The following FBXO21 variants were observed in gnomAD, a reference collection of about 807,000 sequenced individuals.
FBXO21 encodes the protein F-box only protein 21.
A neutral mutation model predicts 76.6 loss-of-function variants in FBXO21; 32 were observed. The ratio of observed to expected loss-of-function variants is 0.42; its 90% CI spans 0.32 to 0.56. The LOEUF (loss-of-function observed/expected upper bound fraction) is 0.56, where lower values mean the gene tolerates loss of function less well. Ranked by LOEUF, FBXO21 falls within the 20% of genes least tolerant of loss-of-function variation. The pLI, the probability that FBXO21 is intolerant of heterozygous loss-of-function variation, is 0.16. For missense variants in FBXO21, 586 were observed against 797.3 expected (o/e 0.73, Z 3.19); for synonymous variants, 328 against 311.5 (o/e 1.05, Z -0.56).
chr12:117,169,956 A>G lies in FBXO21; in HGVS notation c.1013+2515T>C, dbSNP rs1222972571. 3.9e-5 allele frequency among the ~76,000 whole-genome samples: 6 copies of G among 152,260 alleles called. No individual in the cohort carries two copies. The South Asian group carries it at 8.3e-4, about 21-fold the overall frequency. On this transcript the variant is annotated intron_variant, in intron 7 of 11. Transcript: ENST00000622495. ...TATATATAGTTACAAAAAAGAAGAA[A>G]CCAAATTGTCACTATTCACAGATAC...
chr12:117,188,414 G>A (rs532363303), intron 2 of FBXO21, among the ~76,000 whole-genome samples: 1 of 152,196 alleles, frequency 6.6e-6, no homozygotes, highest in East Asian at 1.9e-4. Context: ...GTATGGTGGC[G>A]CATGCCTGTA....
chr12:117,156,064 C>T, intron 10 of FBXO21, 116 bp from the exon 11 acceptor site: 1 of 920,082 alleles, frequency 1.1e-6, no homozygotes, highest in Admixed American at 2.0e-5. Flanking sequence ...CACGGTGAAT[C>T]ATTTTTCAGG....
At chr12:117,169,180 G>A (rs1421493999) in intron 7 of FBXO21, among the ~76,000 whole-genome samples, 1 of 152,162 alleles carries the variant, frequency 6.6e-6, no homozygotes, top group African/African-American at 2.4e-5. Flanking sequence ...GCAGGGATAT[G>A]GATGGAGCTA....
intron 9 of FBXO21, among the ~76,000 whole-genome samples, chr12:117,162,336 C>G (rs745763028): frequency 6.6e-6 from 1 of 152,180 alleles, no homozygotes; most frequent in Non-Finnish European, 1.5e-5. Context: ...CACGGGATGC[C>G]GCATGGGGTG....
At chr12:117,188,985 C>T (rs1468088210) in intron 2 of FBXO21, 6 of 540,726 alleles carry the variant, frequency 1.1e-5, no homozygotes, top group Admixed American at 9.3e-5. Flanking sequence ...GGGTCCCTCC[C>T]TGCTCCCTCC....
At chr12:117,183,805 G>T (rs1389987549) in intron 3 of FBXO21, among the ~76,000 whole-genome samples, 1 of 152,184 alleles carries the variant, frequency 6.6e-6, no homozygotes, top group East Asian at 1.9e-4. Context: ...CTTGAGGAAT[G>T]TTCACTGTGA....
chr12:117,145,899 C>G lies in FBXO21; in HGVS notation c.*188G>C, dbSNP rs756326832. 15 of 495,884 alleles carry G rather than the reference C, an allele frequency of 3.0e-5. No homozygotes were observed. The highest frequency in any genetic ancestry group is 4.2e-5 in the Non-Finnish European group (12 of 283,244). The allele number at this position is 495,884 out of a possible 1,614,324, so 30.7% of individuals were successfully genotyped here. A position where few individuals can be genotyped will look rare whatever the true frequency, so the allele number is the denominator to read the frequency against. ...TTAATTCACTAGTGTAGGCGGAGAG[C>G]AACATTGTCTTTGCAGCTGGGGAAG... On this transcript the variant is annotated 3_prime_UTR_variant, in exon 12 of 12. Transcript: ENST00000622495.
intron 7 of FBXO21, among the ~76,000 whole-genome samples, chr12:117,172,257 C>T (rs1407526751): frequency 6.6e-6 from 1 of 152,138 alleles, no homozygotes; most frequent in African/African-American, 2.4e-5. Context: ...TTTTCCCAGT[C>T]TCCCCTGATG....
chr12:117,177,720 G>A, intron 3 of FBXO21, 79 bp from the exon 4 acceptor site: 2 of 1,212,092 alleles, frequency 1.7e-6, no homozygotes, highest in Non-Finnish European at 2.3e-6. Context: ...AACATACCAT[G>A]TAGTTTGCTT....
intron 2 of FBXO21, among the ~76,000 whole-genome samples, chr12:117,186,952 C>T (rs980900233): frequency 7.9e-5 from 12 of 152,158 alleles, no homozygotes; most frequent in African/African-American, 2.4e-4. Context: ...CGTGGTGAAA[C>T]CCCATGTCTA....
intron 11 of FBXO21, among the ~76,000 whole-genome samples, chr12:117,148,956 A>T (rs141460690): frequency 0.013 from 1,981 of 152,278 alleles, 35 homozygotes; most frequent in African/African-American, 0.044. Flanking sequence ...AAAATCAATA[A>T]ATGTTAAAAA....
At chr12:117,178,317 A>G (rs1956193959) in intron 3 of FBXO21, among the ~76,000 whole-genome samples, 1 of 152,012 alleles carries the variant, frequency 6.6e-6, no homozygotes, top group Non-Finnish European at 1.5e-5. Flanking sequence ...AAATGTGCAC[A>G]CTTCCCAATT....
chr12:117,181,563 C>T (rs1034928493), intron 3 of FBXO21, among the ~76,000 whole-genome samples: 1 of 150,456 alleles, frequency 6.6e-6, no homozygotes, highest in Non-Finnish European at 1.5e-5. Context: ...CTATCTGAGA[C>T]AGTCTATCGA....
chr12:117,174,579 A>G (rs1566004651), intron 5 of FBXO21, 72 bp downstream of exon 5: 5 of 1,539,126 alleles, frequency 3.2e-6, no homozygotes, highest in Non-Finnish European at 4.4e-6. Context: ...GCACACTAAC[A>G]AATCTCTCAA....
Position 117,142,894 on chromosome 12 carries a change from C to T in FBXO21, c.*3193G>A, listed in dbSNP as rs1270749273. On this transcript the variant is annotated 3_prime_UTR_variant, in exon 12 of 12. Coordinates refer to ENST00000622495, the MANE Select transcript of FBXO21 (RefSeq NM_015002.3). ...TTCTCCGTGGGGAAAGATCGGAACA[C>T]TTACAAATGAGAACGGGACTTTAAG... 2 of 152,120 alleles carry T rather than the reference C, an allele frequency of 1.3e-5. No individual in the cohort carries two copies. The highest frequency in any genetic ancestry group is 2.9e-5 in the Non-Finnish European group (2 of 68,042). 9.4% of individuals were successfully genotyped at this position (152,120 alleles called of 1,614,324 possible). A position where few individuals can be genotyped will look rare whatever the true frequency, so the allele number is the denominator to read the frequency against.
chr12:117,166,856 C>T (rs752997245), intron 8 of FBXO21, 42 bp downstream of exon 8: 3 of 1,565,554 alleles, frequency 1.9e-6, no homozygotes, highest in East Asian at 2.2e-5. Context: ...CCTCTAAAGA[C>T]ATGTGCTCTG....
At chr12:117,169,482 T>G (rs546942836) in intron 7 of FBXO21, among the ~76,000 whole-genome samples, 2 of 151,108 alleles carry the variant, frequency 1.3e-5, no homozygotes, top group Non-Finnish European at 2.9e-5. Context: ...GAAATTCTAT[T>G]ACAACAAAAA....
At chr12:117,179,437 C>CAGG (rs1318742913) in intron 3 of FBXO21, among the ~76,000 whole-genome samples, 1 of 152,200 alleles carries the variant, frequency 6.6e-6, no homozygotes, top group Non-Finnish European at 1.5e-5. Context: ...TCTTAATCTA[C>CAGG]AGGATCCTCC....
chr12:117,153,862 A>G (rs1353292920), intron 11 of FBXO21, among the ~76,000 whole-genome samples: 1 of 152,246 alleles, frequency 6.6e-6, no homozygotes, highest in Admixed American at 6.5e-5. Context: ...AGCAGATATT[A>G]ATTTTTTCAG....
Sources: gnomAD v4.1 joint callset for allele counts (sites outside exome capture counted in the v4.1 genomes callset) on GRCh38, gnomAD v4.1.1 for gene constraint, MANE v1.5 for transcripts, NCBI Gene and HGNC (gene_info 2026-07-23, HGNC 2026-07-21) for gene names.